The following NANOS2 variants were observed in gnomAD, a reference collection of about 807,000 sequenced individuals.
NANOS2 encodes the protein nanos homolog 2.
Under a neutral mutation model 6.4 loss-of-function variants are expected in NANOS2, and 3 were observed. The observed-to-expected ratio is 0.47, with a 90% CI of 0.22 to 1.22. The LOEUF (loss-of-function observed/expected upper bound fraction) is 1.22. NANOS2 is among the 50% of genes most tolerant of loss of function. NANOS2 has a pLI of 0.22. For synonymous variants in NANOS2, 86 were observed against 85.6 expected, an observed-to-expected ratio of 1.00 and a Z score of -0.03; for missense variants, 177 against 191.0, an observed-to-expected ratio of 0.93 and a Z score of 0.43.
Position 45,914,388 on chromosome 19 carries a change from C to T in NANOS2, c.306G>A (p.Gly102=), listed in dbSNP as rs1262372585. The T allele has an allele frequency of 1.9e-6, 3 of 1,614,144 alleles. No homozygotes were observed. The highest frequency in any genetic ancestry group is 2.5e-6 in the Non-Finnish European group (3 of 1,180,010). ...GCGTATGGGCCTGGTCACCGGTGGC[C>T]CCGCACACGGGACACACGTAGTGCC... ...ILRHYVCPVC[G]ATGDQAHTLK... The change falls in exon 1 of 1, where the codon GGG becomes GGA. Residue 102 remains glycine, a synonymous_variant. Transcript: ENST00000341294.
Position 45,914,297 on chromosome 19 carries a change from C to T in NANOS2, c.397G>A (p.Gly133Arg). Reference protein sequence around the residue: ...LYRRSGRNSAGRRVKR With the variant: ...LYRRSGRNSARRRVKR ...GATGCTCAGCGCTTGACCCTGCGTC[C>T]GGCCGAGTTGCGCCCGCTGCGGCGG... The change falls in exon 1 of 1, where the codon GGA becomes AGA. Residue 133 changes from glycine (G) to arginine (R), a missense_variant. By Grantham distance (125) the Gly-to-Arg change is moderately radical. Transcript: ENST00000341294. 6.2e-7 allele frequency: 1 copy of T among 1,612,978 alleles called. No individual in the cohort carries two copies. Among genetic ancestry groups the T allele is most frequent in the Non-Finnish European group, 8.5e-7 (1 of 1,179,598 alleles).
chr19:45,914,774 T>C lies in NANOS2; in HGVS notation c.-81A>G, dbSNP rs1967453355. 2.9e-6 allele frequency: 4 copies of C among 1,367,908 alleles called. No individual in the cohort carries two copies. The highest frequency in any genetic ancestry group is 4.0e-6 in the Non-Finnish European group (4 of 997,636). The allele number at this position is 1,367,908 out of a possible 1,614,324, so 84.7% of individuals were successfully genotyped here. On this transcript the variant is annotated 5_prime_UTR_variant, in exon 1 of 1. Transcript: ENST00000341294. The stretch of plus-strand genomic sequence containing the variant: ...GGGCAAGGGCAAGAGCAGCAGGCGT[T>C]TCCCAGAGCAGAAGGGAGCTGCATC...
chr19:45,914,198 A>C lies in NANOS2; in HGVS notation c.*79T>G, dbSNP rs1182139103. 2 of 1,360,928 alleles carry C rather than the reference A, an allele frequency of 1.5e-6. No individual in the cohort carries two copies. Among genetic ancestry groups the C allele is most frequent in the Non-Finnish European group, 2.0e-6 (2 of 1,002,104 alleles). 84.3% of individuals were successfully genotyped at this position (1,360,928 alleles called of 1,614,324 possible). A position where few individuals can be genotyped will look rare whatever the true frequency, so the allele number is the denominator to read the frequency against. On this transcript the variant is annotated 3_prime_UTR_variant, in exon 1 of 1. Coordinates refer to ENST00000341294, the MANE Select transcript of NANOS2 (RefSeq NM_001029861.3). ...GCCAGAAATTCCAAAGGGCTGGGTG[A>C]CTGGAAGAGAGAGTTTAGGGACTTG...
rs774542249 is a variant in NANOS2 at position 45,914,267 on chromosome 19, C to G, written c.*10G>C. 6.2e-7 allele frequency: 1 copy of G among 1,603,276 alleles called. No individual in the cohort carries two copies. Among genetic ancestry groups the G allele is most frequent in the South Asian group, 1.1e-5 (1 of 89,978 alleles). On this transcript the variant is annotated 3_prime_UTR_variant, in exon 1 of 1. Coordinates refer to ENST00000341294, the MANE Select transcript of NANOS2 (RefSeq NM_001029861.3). ...GGTCAGGGGTGCGGGTGGTGAGCATCTCACGATGCTCAGCGCTTGACCCTG... is the reference window on the plus strand; with the variant it reads ...GGTCAGGGGTGCGGGTGGTGAGCATGTCACGATGCTCAGCGCTTGACCCTG...
In NANOS2 at chr19:45,914,174, C is replaced by G; in HGVS notation, c.*103G>C. On this transcript the variant is annotated 3_prime_UTR_variant, in exon 1 of 1. Coordinates refer to ENST00000341294, the MANE Select transcript of NANOS2 (RefSeq NM_001029861.3). ...TCCAGCCAGGGTGGAGTTCTGGGGGCCAGAAATTCCAAAGGGCTGGGTGAC... is the reference window on the plus strand; with the variant it reads ...TCCAGCCAGGGTGGAGTTCTGGGGGGCAGAAATTCCAAAGGGCTGGGTGAC... 9.1e-6 allele frequency: 11 copies of G among 1,203,582 alleles called. No homozygotes were observed. The highest frequency in any genetic ancestry group is 9.2e-6 in the Non-Finnish European group (8 of 873,828). The allele number at this position is 1,203,582 out of a possible 1,614,324, so 74.6% of individuals were successfully genotyped here. A position where few individuals can be genotyped will look rare whatever the true frequency, so the allele number is the denominator to read the frequency against.
Position 45,914,464 on chromosome 19 carries a change from G to A in NANOS2, c.230C>T (p.Ser77Phe), listed in dbSNP as rs143135004. ...ATCCGGTGTCTTCAGCTGGTGTGAG[G>A]AGTAGACGTGGCGGGACTCCCCGTT... Reference protein sequence around the residue: ...KHNGESRHVYSSHQLKTPDGV... With the variant: ...KHNGESRHVYFSHQLKTPDGV... Residue 77 changes from serine (S) to phenylalanine (F), a missense_variant, in exon 1 of 1, where the codon TCC (serine) becomes TTC (phenylalanine). Physicochemically the swap from Ser to Phe is radical, Grantham distance 155. Transcript: ENST00000341294. The A allele has an allele frequency of 5.0e-6, 8 of 1,614,190 alleles. No individual in the cohort carries two copies. The highest frequency in any genetic ancestry group is 2.7e-5 in the African/African-American group (2 of 75,070).
At position 45,913,409 on chromosome 19, in the gene NANOS2, G is replaced by A. The variant is rs1186216738; in HGVS notation, c.*868C>T. ...TTATCGGCGGTTCCTTGACTTGAAC[G>A]TTGGAGGTTGAAAAACACAGGAGGA... On this transcript the variant is annotated 3_prime_UTR_variant, in exon 1 of 1. Coordinates refer to ENST00000341294, the MANE Select transcript of NANOS2 (RefSeq NM_001029861.3). 6.6e-6 allele frequency: 1 copy of A among 152,018 alleles called. No individual in the cohort carries two copies. The highest frequency in any genetic ancestry group is 1.5e-5 in the Non-Finnish European group (1 of 68,014). 9.4% of individuals were successfully genotyped at this position (152,018 alleles called of 1,614,324 possible).
At position 45,914,371 on chromosome 19, in the gene NANOS2, G is replaced by C. The variant is rs1967445989; in HGVS notation, c.323C>G (p.Ala108Gly). ...CPVCGATGDQAHTLKYCPLNG... is the reference protein window; with the variant it reads ...CPVCGATGDQGHTLKYCPLNG... ...AAGCGGGCAGTACTTGAGCGTATGG[G>C]CCTGGTCACCGGTGGCCCCGCACAC... is the stretch of plus-strand genomic sequence containing the variant. The change falls in exon 1 of 1, where the codon GCC becomes GGC. Residue 108 changes from alanine (A) to glycine (G), a missense_variant. Coordinates refer to ENST00000341294, the MANE Select transcript of NANOS2 (RefSeq NM_001029861.3). 1 of 1,613,976 alleles carries C rather than the reference G, an allele frequency of 6.2e-7. No individual in the cohort carries two copies. Among genetic ancestry groups the C allele is most frequent in the African/African-American group, 1.3e-5 (1 of 74,944 alleles).
rs1747424468 is a variant in NANOS2 at position 45,913,946 on chromosome 19, G to A, written c.*331C>T. 3 of 357,594 alleles carry A rather than the reference G, an allele frequency of 8.4e-6. No homozygotes were observed. The highest frequency in any genetic ancestry group is 1.1e-4 in the South Asian group (2 of 18,508). 22.2% of individuals were successfully genotyped at this position (357,594 alleles called of 1,614,324 possible). The stretch of plus-strand genomic sequence containing the variant: ...CCACAAGGAACAGAGAAGTCGAAGG[G>A]GCAGGGCTCCAGTCACCAGCAGGCC... On this transcript the variant is annotated 3_prime_UTR_variant, in exon 1 of 1. Transcript: ENST00000341294.
chr19:45,914,552 G>T lies in NANOS2; in HGVS notation c.142C>A (p.Gln48Lys). 6.2e-7 allele frequency: 1 copy of T among 1,614,184 alleles called. No individual in the cohort carries two copies. The highest frequency in any genetic ancestry group is 8.5e-7 in the Non-Finnish European group (1 of 1,180,012). ...PSPGPPLGQDQGLGAPGANGG... is the reference protein window; with the variant it reads ...PSPGPPLGQDKGLGAPGANGG... ...TTGGCCCCTGGCGCCCCCAGCCCCT[G>T]ATCCTGCCCCAGCGGAGGCCCGGGA... is the stretch of plus-strand genomic sequence containing the variant. The change falls in exon 1 of 1, where the codon CAG (glutamine) becomes AAG (lysine). Residue 48 changes from glutamine (Q) to lysine (K), a missense_variant. Gln to Lys is a moderately conservative substitution (Grantham distance 53, BLOSUM62 1). Coordinates refer to ENST00000341294, the MANE Select transcript of NANOS2 (RefSeq NM_001029861.3).
At position 45,914,092 on chromosome 19, in the gene NANOS2, G is replaced by C. The variant is rs1967442142; in HGVS notation, c.*185C>G. On this transcript the variant is annotated 3_prime_UTR_variant, in exon 1 of 1. Coordinates refer to ENST00000341294, the MANE Select transcript of NANOS2 (RefSeq NM_001029861.3). ...CCCACAGGCCAGAGCTCCGAGGGCT[G>C]ACAGGTCCAAGGGGGCGGGGCTGGC... 1 of 649,500 alleles carries C rather than the reference G, an allele frequency of 1.5e-6. No individual in the cohort carries two copies. Among genetic ancestry groups the C allele is most frequent in the Non-Finnish European group, 2.6e-6 (1 of 384,196 alleles). 40.2% of individuals were successfully genotyped at this position (649,500 alleles called of 1,614,324 possible).
Position 45,913,515 on chromosome 19 carries a change from G to A in NANOS2, c.*762C>T, listed in dbSNP as rs1967436122. ...TCGAGAGATATGCTTCTCGCTGGGG[G>A]AAAGGACCCATCGGTGATTTGGGGA... is the stretch of plus-strand genomic sequence containing the variant. On this transcript the variant is annotated 3_prime_UTR_variant, in exon 1 of 1. Transcript: ENST00000341294. 1 of 152,160 alleles carries A rather than the reference G, an allele frequency of 6.6e-6. No individual in the cohort carries two copies. Among genetic ancestry groups the A allele is most frequent in the African/African-American group, 2.4e-5 (1 of 41,434 alleles). The allele number at this position is 152,160 out of a possible 1,614,324, so 9.4% of individuals were successfully genotyped here.
rs755470293 is a variant in NANOS2, at chr19:45,914,682, T to C, written c.12A>G (p.Pro4=). 8 of 1,611,250 alleles carry C rather than the reference T, an allele frequency of 5.0e-6. No individual in the cohort carries two copies. The Admixed American group carries it at 1.3e-4, about 27-fold the overall frequency. MQL[P]PFDMWKDYFN... Reference sequence around the variant, plus strand: ...AGTAGTCCTTCCACATGTCGAAGGGTGGCAGCTGCATGGCACCAAAGCAGG... The same window carrying C: ...AGTAGTCCTTCCACATGTCGAAGGGCGGCAGCTGCATGGCACCAAAGCAGG... Residue 4 remains proline (P), a synonymous_variant, in exon 1 of 1, where the codon CCA becomes CCG. Coordinates refer to ENST00000341294, the MANE Select transcript of NANOS2 (RefSeq NM_001029861.3).
Position 45,914,379 on chromosome 19 carries a change from A to C in NANOS2, c.315T>G (p.Gly105=). ...HYVCPVCGAT[G]DQAHTLKYCP... Reference sequence around the variant, plus strand: ...AGTACTTGAGCGTATGGGCCTGGTCACCGGTGGCCCCGCACACGGGACACA... The same window carrying C: ...AGTACTTGAGCGTATGGGCCTGGTCCCCGGTGGCCCCGCACACGGGACACA... The change falls in exon 1 of 1, where the codon GGT becomes GGG. Residue 105 remains glycine, a synonymous_variant. Coordinates refer to ENST00000341294, the MANE Select transcript of NANOS2 (RefSeq NM_001029861.3). The C allele has an allele frequency of 1.2e-6, 2 of 1,614,102 alleles. No homozygotes were observed. The highest frequency in any genetic ancestry group is 1.7e-6 in the Non-Finnish European group (2 of 1,179,986).
At position 45,914,343 on chromosome 19, in the gene NANOS2, G is replaced by A. The variant is rs575299215; in HGVS notation, c.351C>T (p.Asn117=). ...QAHTLKYCPL[N]GGQQSLYRRS... The stretch of plus-strand genomic sequence containing the variant: ...GGCGGTAGAGGGACTGCTGGCCACC[G>A]TTAAGCGGGCAGTACTTGAGCGTAT... Residue 117 remains asparagine (N), a synonymous_variant, in exon 1 of 1, where the codon AAC becomes AAT. Coordinates refer to ENST00000341294, the MANE Select transcript of NANOS2 (RefSeq NM_001029861.3). 5.0e-6 allele frequency: 8 copies of A among 1,613,938 alleles called. No homozygotes were observed. The highest frequency in any genetic ancestry group is 2.2e-5 in the South Asian group (2 of 91,086).
Position 45,913,973 on chromosome 19 carries a change from CA to C in NANOS2, c.*303del. ...CAGGGCTCCAGTCACCAGCAGGCCC[CA>C]CGAGGACAAAAGATCCATGAACCGG... On this transcript the variant is annotated 3_prime_UTR_variant, in exon 1 of 1. Coordinates refer to ENST00000341294, the MANE Select transcript of NANOS2 (RefSeq NM_001029861.3). 2.4e-6 allele frequency: 1 copy of C among 415,392 alleles called. No individual in the cohort carries two copies. The highest frequency in any genetic ancestry group is 4.4e-6 in the Non-Finnish European group (1 of 228,750). The allele number at this position is 415,392 out of a possible 1,614,324, so 25.7% of individuals were successfully genotyped here.
chr19:45,914,025 G>A lies in NANOS2; in HGVS notation c.*252C>T. 3.6e-6 allele frequency: 2 copies of A among 549,728 alleles called. No individual in the cohort carries two copies. The highest frequency in any genetic ancestry group is 6.5e-6 in the Non-Finnish European group (2 of 307,772). The allele number at this position is 549,728 out of a possible 1,614,324, so 34.1% of individuals were successfully genotyped here. On this transcript the variant is annotated 3_prime_UTR_variant, in exon 1 of 1. Transcript: ENST00000341294. ...GGCCCAGAGGGCGCTACAGGGCCGT[G>A]CAGGAAGGGTTCCCGCGGCACCAAG...
Position 45,914,061 on chromosome 19 carries a change from C to T in NANOS2, c.*216G>A. 1.7e-6 allele frequency: 1 copy of T among 590,908 alleles called. No homozygotes were observed. The highest frequency in any genetic ancestry group is 3.0e-6 in the Non-Finnish European group (1 of 336,386). The allele number at this position is 590,908 out of a possible 1,614,324, so 36.6% of individuals were successfully genotyped here. On this transcript the variant is annotated 3_prime_UTR_variant, in exon 1 of 1. Coordinates refer to ENST00000341294, the MANE Select transcript of NANOS2 (RefSeq NM_001029861.3). ...TCCCGCGGCACCAAGGACCCTCAGG[C>T]CAACGCCCACAGGCCAGAGCTCCGA...
At position 45,914,263 on chromosome 19, in the gene NANOS2, G is replaced by A; in HGVS notation, c.*14C>T. 1 of 1,600,206 alleles carries A rather than the reference G, an allele frequency of 6.2e-7. No individual in the cohort carries two copies. Reference sequence around the variant, plus strand: ...GGAGGGTCAGGGGTGCGGGTGGTGAGCATCTCACGATGCTCAGCGCTTGAC... The same window carrying A: ...GGAGGGTCAGGGGTGCGGGTGGTGAACATCTCACGATGCTCAGCGCTTGAC... On this transcript the variant is annotated 3_prime_UTR_variant, in exon 1 of 1. Transcript: ENST00000341294.
Sources: allele counts gnomAD v4.1 joint callset, GRCh38; gene constraint gnomAD v4.1.1; transcripts MANE v1.5; gene names NCBI Gene and HGNC (gene_info 2026-07-23, HGNC 2026-07-21).